SAR1B: variants seen among roughly 807,000 people sequenced by gnomAD.
SAR1B encodes secretion associated Ras related GTPase 1B, also known as small COPII coat GTPase SAR1B.
Under a neutral mutation model 26.8 loss-of-function variants are expected in SAR1B, and 23 were observed. The ratio of observed to expected loss-of-function variants is 0.86; its 90% CI spans 0.62 to 1.22. SAR1B has a LOEUF of 1.22. SAR1B is among the 50% of genes most tolerant of loss of function. The probability of loss-of-function intolerance (pLI) is 0.00; values close to 1 mark genes in which losing one functional copy is unlikely to be tolerated. For synonymous variants in SAR1B, 65 were observed against 80.8 expected (o/e 0.80, Z 1.05); for missense variants, 196 against 232.8 (o/e 0.84, Z 1.03).
intron 1 of SAR1B, among the ~76,000 whole-genome samples, chr5:134,629,092 G>A (rs1314733647): frequency 6.6e-6 from 1 of 151,372 alleles, no homozygotes; most frequent in East Asian, 1.9e-4. Flanking sequence ...TCCAACCTGG[G>A]CAACATAGTG....
Position 134,605,637 on chromosome 5 carries a change from T to A in SAR1B, c.*1313A>T, listed in dbSNP as rs1765113192. ...CTGGACAACATGGTGAAACCCCGTC[T>A]CTAAAACAAAATGAAACAGAGCAAA... On this transcript the variant is annotated 3_prime_UTR_variant, in exon 7 of 7. Coordinates refer to ENST00000402673, the MANE Select transcript of SAR1B (RefSeq NM_016103.4). 1 of 99,808 alleles carries A rather than the reference T, an allele frequency of 1.0e-5. No homozygotes were observed. The highest frequency in any genetic ancestry group is 1.9e-5 in the Non-Finnish European group (1 of 53,020). 6.2% of individuals were successfully genotyped at this position (99,808 alleles called of 1,614,324 possible). A position where few individuals can be genotyped will look rare whatever the true frequency, so the allele number is the denominator to read the frequency against.
intron 4 of SAR1B, among the ~76,000 whole-genome samples, chr5:134,610,996 T>C (rs1765204071): frequency 6.6e-6 from 1 of 151,772 alleles, no homozygotes; most frequent in Non-Finnish European, 1.5e-5. Context: ...CCTGAGTAGG[T>C]AGGACTATCA....
At position 134,609,551 on chromosome 5, in the gene SAR1B, G is replaced by A. The variant is rs1765179851; in HGVS notation, c.348+20C>T. The stretch of plus-strand genomic sequence containing the variant: ...TACCAGAGTGATTTGACTATATTTA[G>A]TTTCAGTTATTTAACTTACATCAAG... On this transcript the variant is annotated intron_variant, in intron 5 of 6. Transcript: ENST00000402673. The A allele has an allele frequency of 4.4e-6, 7 of 1,584,200 alleles. No homozygotes were observed. The highest frequency in any genetic ancestry group is 6.1e-6 in the Non-Finnish European group (7 of 1,152,784).
chr5:134,619,450 C>T (rs1464994196), intron 3 of SAR1B, among the ~76,000 whole-genome samples: 1 of 151,788 alleles, frequency 6.6e-6, no homozygotes, highest in East Asian at 1.9e-4. Flanking sequence ...GCCTTGAACA[C>T]CTAGGGTCAA....
At chr5:134,617,115 C>A (rs1376233503) in intron 3 of SAR1B, among the ~76,000 whole-genome samples, 1 of 151,960 alleles carries the variant, frequency 6.6e-6, no homozygotes, top group African/African-American at 2.4e-5. Context: ...GCCTGTAGTT[C>A]GAGCTACTTG....
At chr5:134,608,064 A>G (rs1027155119) in intron 6 of SAR1B, among the ~76,000 whole-genome samples, 1 of 152,240 alleles carries the variant, frequency 6.6e-6, no homozygotes, top group Non-Finnish European at 1.5e-5. Flanking sequence ...GGTATACTTA[A>G]ACACTCAAAT....
chr5:134,631,093 C>G (rs1240057985), intron 1 of SAR1B, among the ~76,000 whole-genome samples: 4 of 150,972 alleles, frequency 2.6e-5, no homozygotes, highest in Non-Finnish European at 4.4e-5. Flanking sequence ...AATGTAGAGA[C>G]TGGGTCTTGC....
intron 2 of SAR1B, among the ~76,000 whole-genome samples, chr5:134,621,901 T>A (rs1393403625): frequency 6.6e-6 from 1 of 152,194 alleles, no homozygotes; most frequent in East Asian, 1.9e-4. Flanking sequence ...CACGCCTGAC[T>A]AATTTTTGTA....
At chr5:134,613,939 T>C (rs1470956327) in intron 3 of SAR1B, 1 of 152,234 alleles carries the variant, frequency 6.6e-6, no homozygotes, top group Admixed American at 6.5e-5. Context: ...TTCTGTTGCA[T>C]TGAGTTAAGT....
intron 4 of SAR1B, among the ~76,000 whole-genome samples, chr5:134,610,566 C>CAAAAAAAA (rs55682339): frequency 2.6e-5 from 1 of 39,026 alleles, no homozygotes; most frequent in Non-Finnish European, 4.3e-5. Flanking sequence ...GACTCCGTCT[C>CAAAAAAAA]AAAAAAAAAA....
chr5:134,628,901 G>A (rs1211594354), intron 1 of SAR1B, among the ~76,000 whole-genome samples: 3 of 151,956 alleles, frequency 2.0e-5, no homozygotes, highest in South Asian at 2.1e-4. Flanking sequence ...AGATCCACTC[G>A]CCTCGGTGTC....
chr5:134,616,827 C>T (rs1009368743), intron 3 of SAR1B, among the ~76,000 whole-genome samples: 1 of 152,216 alleles, frequency 6.6e-6, no homozygotes, highest in Admixed American at 6.5e-5. Flanking sequence ...CATAATATGA[C>T]TGAATGTATC....
Position 134,623,989 on chromosome 5 carries a change from C to T in SAR1B, c.31G>A (p.Gly11Ser), listed in dbSNP as rs1264665937. The T allele has an allele frequency of 1.9e-6, 3 of 1,611,716 alleles. No homozygotes were observed. The highest frequency in any genetic ancestry group is 2.5e-6 in the Non-Finnish European group (3 of 1,177,968). MSFIFDWIYS[G>S]FSSVLQFLGL... ...AAAAACTGTAGCACACTGCTGAAACCACTGTAAATCCAATCAAATATGAAG... is the reference window on the plus strand; with the variant it reads ...AAAAACTGTAGCACACTGCTGAAACTACTGTAAATCCAATCAAATATGAAG... Residue 11 changes from glycine to serine, a missense_variant, in exon 2 of 7, where the codon GGT (glycine) becomes AGT (serine). Physicochemically the swap from Gly to Ser is moderately conservative, Grantham distance 56. Coordinates refer to ENST00000402673, the MANE Select transcript of SAR1B (RefSeq NM_016103.4).
At chr5:134,622,901 C>A (rs956682469) in intron 2 of SAR1B, among the ~76,000 whole-genome samples, 2 of 150,412 alleles carry the variant, frequency 1.3e-5, no homozygotes, top group Non-Finnish European at 3.0e-5. Flanking sequence ...GCAGGTGGAA[C>A]ATTTGAGGTC....
chr5:134,630,328 G>T (rs988634545), intron 1 of SAR1B, among the ~76,000 whole-genome samples: 1 of 151,826 alleles, frequency 6.6e-6, no homozygotes, highest in Non-Finnish European at 1.5e-5. Context: ...GGTGGTGTAT[G>T]CCTGTAATCC....
intron 4 of SAR1B, among the ~76,000 whole-genome samples, chr5:134,611,137 T>G (rs1219872599): frequency 6.6e-6 from 1 of 152,170 alleles, no homozygotes; most frequent in Non-Finnish European, 1.5e-5. Context: ...GCACTGGGAT[T>G]ATAGGCCTGA....
chr5:134,621,451 C>A lies in SAR1B; in HGVS notation c.59-399G>T, dbSNP rs142585701. Among the ~76,000 whole-genome samples the A allele has an allele frequency of 8.7e-5, 13 of 150,202 alleles. No homozygotes were observed. In the East Asian group the frequency reaches 2.6e-3, roughly 30 times the overall value. On this transcript the variant is annotated intron_variant, in intron 2 of 6. Transcript: ENST00000402673. ...TCATGCCATTGTACTCCAGCCTGGG[C>A]GACAAAGTGAGACTCTGTCTCAAAA...
At chr5:134,629,659 TGCACTCCA>T (rs1251212164) in intron 1 of SAR1B, among the ~76,000 whole-genome samples, 1 of 151,760 alleles carries the variant, frequency 6.6e-6, no homozygotes, top group African/African-American at 2.4e-5. Context: ...ATCGCGCCAC[TGCACTCCA>T]GCCTGGGCGA....
Position 134,612,677 on chromosome 5 carries a change from A to AAAAAT in SAR1B, c.244+13_244+14insATTTT. Reference sequence around the variant, plus strand: ...AAAAAAAAAAAAAAAAAAAAAAAAAAAAAAGAATCTTACCTTGAACATGTC... The same window carrying AAAAAT: ...AAAAAAAAAAAAAAAAAAAAAAAAAAAAAATAAAAGAATCTTACCTTGAACATGTC... On this transcript the variant is annotated intron_variant, in intron 4 of 6. Coordinates refer to ENST00000402673, the MANE Select transcript of SAR1B (RefSeq NM_016103.4). 7 of 1,055,536 alleles carry AAAAAT rather than the reference A, an allele frequency of 6.6e-6. No individual in the cohort carries two copies. The highest frequency in any genetic ancestry group is 2.0e-5 in the South Asian group (1 of 48,946). The allele number at this position is 1,055,536 out of a possible 1,614,324, so 65.4% of individuals were successfully genotyped here. A position where few individuals can be genotyped will look rare whatever the true frequency, so the allele number is the denominator to read the frequency against.
Sources: gnomAD v4.1 joint callset for allele counts (sites outside exome capture counted in the v4.1 genomes callset) on GRCh38, gnomAD v4.1.1 for gene constraint, MANE v1.5 for transcripts, NCBI Gene and HGNC (gene_info 2026-07-23, HGNC 2026-07-21) for gene names.